DLGAP2: variants seen among roughly 807,000 people sequenced by gnomAD.
DLGAP2 encodes disks large-associated protein 2.
In DLGAP2, 26 loss-of-function variants were observed where a neutral mutation model predicts 100.3. The ratio of observed to expected loss-of-function variants is 0.26; its 90% CI spans 0.19 to 0.36. DLGAP2 has a LOEUF of 0.36. Ranked by LOEUF, DLGAP2 falls within the 10% of genes least tolerant of loss-of-function variation. The pLI, the probability that DLGAP2 is intolerant of heterozygous loss-of-function variation, is 1.00. For synonymous variants in DLGAP2, 886 were observed against 630.1 expected (o/e 1.41, Z -6.08); for missense variants, 1,858 against 1,453.2 (o/e 1.28, Z -4.53).
chr8:1,419,065 C>G (rs1563135218), intron 3 of DLGAP2, among the ~76,000 whole-genome samples: 1 of 152,258 alleles, frequency 6.6e-6, no homozygotes. Context: ...TCTCTGGGCA[C>G]CGCCTCCCTG....
intron 2 of DLGAP2, among the ~76,000 whole-genome samples, chr8:1,227,145 A>G (rs1178875489): frequency 1.4e-5 from 1 of 68,980 alleles, no homozygotes; most frequent in Non-Finnish European, 2.9e-5. Context: ...TGGGTAAGGA[A>G]ACTGTGAGAT....
intron 2 of DLGAP2, among the ~76,000 whole-genome samples, chr8:1,183,552 C>T (rs1253165871): frequency 3.3e-5 from 5 of 152,180 alleles, no homozygotes; most frequent in Non-Finnish European, 5.9e-5. Flanking sequence ...TATGAGGTAG[C>T]TGCTGTTAGT....
chr8:1,544,746 T>C (rs1398227560), intron 4 of DLGAP2, among the ~76,000 whole-genome samples: 3 of 152,006 alleles, frequency 2.0e-5, no homozygotes, highest in Admixed American at 2.0e-4. Flanking sequence ...TTTTTTTTTT[T>C]TTTGAGACAG....
chr8:1,248,255 G>GA (rs1798955047), intron 2 of DLGAP2, among the ~76,000 whole-genome samples: 1 of 48,996 alleles, frequency 2.0e-5, no homozygotes, highest in Admixed American at 2.3e-4. Context: ...ATCAGTGTGG[G>GA]AGTGATGGTC....
At chr8:1,082,837 A>G (rs542734914) in intron 2 of DLGAP2, among the ~76,000 whole-genome samples, 2 of 152,320 alleles carry the variant, frequency 1.3e-5, no homozygotes, top group African/African-American at 4.8e-5. Context: ...AAGATAGGCT[A>G]TTTCCGAAAC....
At chr8:970,831 G>T (rs1799996499) in intron 2 of DLGAP2, among the ~76,000 whole-genome samples, 1 of 152,160 alleles carries the variant, frequency 6.6e-6, no homozygotes, top group Non-Finnish European at 1.5e-5. Context: ...ACACCAAAGA[G>T]ATGCAATGAA....
At chr8:1,508,820 G>A (rs1264903149) in intron 4 of DLGAP2, among the ~76,000 whole-genome samples, 2 of 151,912 alleles carry the variant, frequency 1.3e-5, no homozygotes, top group African/African-American at 4.8e-5. Flanking sequence ...AGACGGGGAA[G>A]ACGGGGCCAG....
At chr8:810,494 A>G (rs529481744) in intron 1 of DLGAP2, among the ~76,000 whole-genome samples, 2 of 152,320 alleles carry the variant, frequency 1.3e-5, no homozygotes, top group African/African-American at 4.8e-5. Flanking sequence ...TTTGCCACCT[A>G]TTGTTTTCGA....
intron 1 of DLGAP2, among the ~76,000 whole-genome samples, chr8:797,197 G>T (rs978420892): frequency 1.3e-5 from 2 of 152,200 alleles, no homozygotes; most frequent in Non-Finnish European, 2.9e-5. Context: ...CGAAAGTCCT[G>T]TGTGCCCGTT....
intron 2 of DLGAP2, among the ~76,000 whole-genome samples, chr8:1,005,635 G>A (rs1221206059): frequency 6.6e-6 from 1 of 150,944 alleles, no homozygotes; most frequent in African/African-American, 2.4e-5. Flanking sequence ...GCCTAGGCTG[G>A]TCTCAAATTC....
chr8:1,192,088 G>A (rs1038452892), intron 2 of DLGAP2, among the ~76,000 whole-genome samples: 3 of 152,126 alleles, frequency 2.0e-5, no homozygotes, highest in African/African-American at 2.4e-5. Context: ...TGAGGTGTGC[G>A]TGGCCCCTGC....
chr8:1,335,443 C>G (rs1199845548), intron 3 of DLGAP2, among the ~76,000 whole-genome samples: 1 of 152,132 alleles, frequency 6.6e-6, no homozygotes, highest in Non-Finnish European at 1.5e-5. Flanking sequence ...GTCCAGAGAC[C>G]CAAAACCAAA....
At chr8:1,537,872 T>C in intron 4 of DLGAP2, among the ~76,000 whole-genome samples, 1 of 151,740 alleles carries the variant, frequency 6.6e-6, no homozygotes, top group East Asian at 1.9e-4. Flanking sequence ...AGAGCTAAAT[T>C]TAGGTGGGAG....
At chr8:1,483,958 A>C (rs1799174198) in intron 3 of DLGAP2, among the ~76,000 whole-genome samples, 1 of 152,250 alleles carries the variant, frequency 6.6e-6, no homozygotes, top group Non-Finnish European at 1.5e-5. Flanking sequence ...GGTGGGCAAC[A>C]GTGTTCTTGC....
chr8:1,025,132 A>G (rs1040152306), intron 2 of DLGAP2, among the ~76,000 whole-genome samples: 12 of 151,514 alleles, frequency 7.9e-5, no homozygotes, highest in Admixed American at 2.6e-4. Context: ...GTGCGTGTGC[A>G]TGTGTGTGTG....
chr8:1,601,020 G>A (rs938430659), intron 6 of DLGAP2, among the ~76,000 whole-genome samples: 1 of 152,150 alleles, frequency 6.6e-6, no homozygotes, highest in East Asian at 1.9e-4. Flanking sequence ...ATCTATCTTT[G>A]TTCTTTGATG....
At chr8:1,283,836 G>T (rs1185204688) in intron 3 of DLGAP2, among the ~76,000 whole-genome samples, 4 of 152,302 alleles carry the variant, frequency 2.6e-5, no homozygotes, top group Middle Eastern at 6.8e-3. Context: ...CACACTTAAA[G>T]TATGAGAGTA....
chr8:1,033,193 A>T (rs1473978353), intron 2 of DLGAP2, among the ~76,000 whole-genome samples: 1 of 151,340 alleles, frequency 6.6e-6, no homozygotes, highest in Non-Finnish European at 1.5e-5. Flanking sequence ...GATCATGGCC[A>T]TCAGCTCAGG....
At chr8:807,700 T>G (rs553126844) in intron 1 of DLGAP2, among the ~76,000 whole-genome samples, 53 of 152,338 alleles carry the variant, frequency 3.5e-4, no homozygotes, top group Non-Finnish European at 3.8e-4. Flanking sequence ...AGGAATGAGG[T>G]TGTAGATGCA....
Sources: gnomAD v4.1 joint callset for allele counts (sites outside exome capture counted in the v4.1 genomes callset) on GRCh38, gnomAD v4.1.1 for gene constraint, MANE v1.5 for transcripts, NCBI Gene and HGNC (gene_info 2026-07-23, HGNC 2026-07-21) for gene names.